Variants in THSD7B observed in about 807,000 individuals in gnomAD.
The protein encoded by THSD7B is thrombospondin type-1 domain-containing protein 7B.
THSD7B carries 138 observed loss-of-function variants against 213.6 expected under a neutral mutation model. That is an observed-to-expected ratio of 0.65 (90% CI 0.56 to 0.74). The LOEUF (loss-of-function observed/expected upper bound fraction) is 0.74. Among genes scored for constraint, THSD7B ranks in the 30% least tolerant of loss-of-function variants. The probability of loss-of-function intolerance (pLI) is 0.00; values close to 1 mark genes in which losing one functional copy is unlikely to be tolerated. For missense variants in THSD7B, 1,931 were observed against 1,991.5 expected (o/e 0.97, Z 0.58); for synonymous variants, 742 against 687.0 (o/e 1.08, Z -1.25).
chr2:136,993,534 A>G (rs1685825923), intron 2 of THSD7B, among the ~76,000 whole-genome samples: 1 of 152,240 alleles, frequency 6.6e-6, no homozygotes, highest in African/African-American at 2.4e-5. Context: ...GCTTTGTCAA[A>G]AGTGAAAATG....
intron 12 of THSD7B, among the ~76,000 whole-genome samples, chr2:137,294,526 T>C (rs1464243976): frequency 7.9e-6 from 1 of 126,318 alleles, no homozygotes; most frequent in African/African-American, 3.1e-5. Flanking sequence ...GAGGTTGCAG[T>C]AAACTGAGAT....
chr2:137,153,918 T>C (rs1679862871), intron 5 of THSD7B, among the ~76,000 whole-genome samples: 1 of 152,156 alleles, frequency 6.6e-6, no homozygotes, highest in African/African-American at 2.4e-5. Context: ...GATTTTTGGT[T>C]GTTTCTTGAA....
At chr2:137,113,698 A>G (rs1184248365) in intron 4 of THSD7B, among the ~76,000 whole-genome samples, 1 of 152,138 alleles carries the variant, frequency 6.6e-6, no homozygotes, top group Non-Finnish European at 1.5e-5. Context: ...CAGCCTCTCA[A>G]AGTGCTGGGA....
intron 12 of THSD7B, among the ~76,000 whole-genome samples, chr2:137,378,476 T>C (rs939254268): frequency 3.3e-5 from 5 of 152,320 alleles, no homozygotes; most frequent in Middle Eastern, 3.4e-3. Context: ...AGCAAGCTAC[T>C]TTTTGTACTT....
chr2:137,554,387 A>G (rs1239469267), intron 15 of THSD7B, among the ~76,000 whole-genome samples: 1 of 152,174 alleles, frequency 6.6e-6, no homozygotes, highest in Non-Finnish European at 1.5e-5. Context: ...ACTTAAACAA[A>G]TGCTGACAGT....
chr2:137,158,625 T>C (rs1679953009), intron 5 of THSD7B, among the ~76,000 whole-genome samples: 2 of 150,796 alleles, frequency 1.3e-5, no homozygotes, highest in African/African-American at 5.0e-5. Flanking sequence ...CATTGTTCAT[T>C]AGAAATACTT....
At chr2:137,412,837 T>C (rs2105014841) in intron 14 of THSD7B, among the ~76,000 whole-genome samples, 1 of 151,222 alleles carries the variant, frequency 6.6e-6, no homozygotes, top group East Asian at 1.9e-4. Flanking sequence ...TGAAACAGGC[T>C]GAAACCAATC....
intron 5 of THSD7B, among the ~76,000 whole-genome samples, chr2:137,135,629 T>G (rs1679435240): frequency 1.3e-5 from 2 of 152,146 alleles, no homozygotes; most frequent in Admixed American, 1.3e-4. Flanking sequence ...TCTATGTCTG[T>G]CACAAAATCT....
intron 3 of THSD7B, among the ~76,000 whole-genome samples, chr2:137,078,838 G>T (rs1687684874): frequency 6.6e-6 from 1 of 151,680 alleles, no homozygotes; most frequent in African/African-American, 2.4e-5. Flanking sequence ...TAGTTTTCTT[G>T]TTTGTATTGC....
chr2:137,503,489 A>G (rs1467118862), intron 15 of THSD7B, among the ~76,000 whole-genome samples: 1 of 152,236 alleles, frequency 6.6e-6, no homozygotes, highest in African/African-American at 2.4e-5. Context: ...TGAAAATTCT[A>G]CATGGCTGTA....
intron 1 of THSD7B, among the ~76,000 whole-genome samples, chr2:136,786,126 G>T (rs565982367): frequency 4.6e-5 from 7 of 151,930 alleles, no homozygotes; most frequent in South Asian, 2.1e-4. Context: ...GCAGTCATAT[G>T]CAGTGTAGAC....
intron 2 of THSD7B, among the ~76,000 whole-genome samples, chr2:136,969,937 TAAAC>T (rs947786342): frequency 6.6e-6 from 1 of 151,986 alleles, no homozygotes; most frequent in African/African-American, 2.4e-5. Flanking sequence ...AGCAAAAACA[TAAAC>T]AAACCCAACC....
chr2:137,002,346 C>G (rs553043164), intron 2 of THSD7B, among the ~76,000 whole-genome samples: 2 of 152,152 alleles, frequency 1.3e-5, no homozygotes, highest in African/African-American at 4.8e-5. Flanking sequence ...GAAAACAGAT[C>G]CAGACTGGGT....
intron 17 of THSD7B, among the ~76,000 whole-genome samples, chr2:137,578,770 T>G (rs983074850): frequency 1.3e-5 from 2 of 152,168 alleles, no homozygotes; most frequent in Non-Finnish European, 2.9e-5. Flanking sequence ...AATATTTTGT[T>G]TGTTTGTTTC....
chr2:137,532,487 A>G (rs1009613390), intron 15 of THSD7B, among the ~76,000 whole-genome samples: 4 of 151,830 alleles, frequency 2.6e-5, no homozygotes, highest in African/African-American at 9.7e-5. Context: ...TTTAATTTAG[A>G]TTTAATTTGA....
rs375008526 is a variant in THSD7B at position 137,454,292 on chromosome 2, C to A, written c.3138+3269C>A. 1.2e-4 allele frequency among the ~76,000 whole-genome samples: 18 copies of A among 152,222 alleles called. No homozygotes were observed. In the South Asian group the frequency reaches 3.7e-3, roughly 32 times the overall value. The stretch of plus-strand genomic sequence containing the variant: ...CTTACCATGAGTTAATTGATCAGGA[C>A]AATAAGTCCTTTCTCTCACTCATAA... On this transcript the variant is annotated intron_variant, in intron 15 of 27. Transcript: ENST00000409968.
chr2:137,527,356 A>G (rs1170181313), intron 15 of THSD7B, among the ~76,000 whole-genome samples: 1 of 152,120 alleles, frequency 6.6e-6, no homozygotes, highest in Non-Finnish European at 1.5e-5. Context: ...ATTTCCTGCT[A>G]GAATAAATTT....
intron 1 of THSD7B, among the ~76,000 whole-genome samples, chr2:136,809,434 A>G (rs1430760905): frequency 6.6e-6 from 1 of 152,214 alleles, no homozygotes; most frequent in East Asian, 1.9e-4. Flanking sequence ...TAGACAGGAT[A>G]GGAGCTTGGT....
chr2:137,541,295 A>G (rs991620126), intron 15 of THSD7B, among the ~76,000 whole-genome samples: 1 of 151,734 alleles, frequency 6.6e-6, no homozygotes, highest in East Asian at 1.9e-4. Flanking sequence ...ACAAAAAATT[A>G]TGACACATGG....
Sources: allele counts gnomAD v4.1 joint callset (sites outside exome capture counted in the v4.1 genomes callset), GRCh38; gene constraint gnomAD v4.1.1; transcripts MANE v1.5; gene names NCBI Gene and HGNC (gene_info 2026-07-23, HGNC 2026-07-21).